AFG2A: variants seen among roughly 807,000 people sequenced by gnomAD.
The protein encoded by AFG2A is AAA ATPase AFG2A, also known as ATPase family gene 2 protein homolog A.
the AFG2A span, among the ~76,000 whole-genome samples, chr4:123,184,916 C>G: frequency 1.3e-5 from 2 of 152,234 alleles, no homozygotes; most frequent in Admixed American, 6.5e-5. Context: ...CTTTGGTTAG[C>G]GTGATAAATC....
the AFG2A span, among the ~76,000 whole-genome samples, chr4:123,163,256 A>T: frequency 1.3e-5 from 2 of 152,190 alleles, no homozygotes; most frequent in Non-Finnish European, 2.9e-5. Flanking sequence ...CAACATGGTG[A>T]AACCCCGTCT....
chr4:123,054,417 CTTT>C, the AFG2A span, among the ~76,000 whole-genome samples: 1 of 148,842 alleles, frequency 6.7e-6, no homozygotes, highest in African/African-American at 2.5e-5. Flanking sequence ...ATTGAGCATC[CTTT>C]TTTTTTTTTA....
chr4:122,935,820 T>G, the AFG2A span: 2 of 1,611,406 alleles, frequency 1.2e-6, no homozygotes, highest in Admixed American at 3.4e-5. Flanking sequence ...TTTCTGTAAT[T>G]AATGGTCCTG....
chr4:123,263,878 A>T, the AFG2A span, among the ~76,000 whole-genome samples: 1 of 152,180 alleles, frequency 6.6e-6, no homozygotes, highest in Admixed American at 6.5e-5. Context: ...CAGAGGAAAT[A>T]AGTCATTATA....
At chr4:123,140,652 C>T in the AFG2A span, among the ~76,000 whole-genome samples, 1 of 152,036 alleles carries the variant, frequency 6.6e-6, no homozygotes, top group Non-Finnish European at 1.5e-5. Context: ...TGCTTATTAT[C>T]ACATTGCTCT....
At chr4:122,996,275 C>T in the AFG2A span, among the ~76,000 whole-genome samples, 1 of 152,120 alleles carries the variant, frequency 6.6e-6, no homozygotes, top group African/African-American at 2.4e-5. Flanking sequence ...CACATGGACT[C>T]CAAATACACA....
chr4:123,244,906 G>T, the AFG2A span, among the ~76,000 whole-genome samples: 1 of 152,076 alleles, frequency 6.6e-6, no homozygotes, highest in East Asian at 1.9e-4. Flanking sequence ...ATATCTTATG[G>T]TTCAGCAGGG....
chr4:123,305,852 T>G, the AFG2A span, among the ~76,000 whole-genome samples: 1 of 152,156 alleles, frequency 6.6e-6, no homozygotes, highest in Non-Finnish European at 1.5e-5. Context: ...AGAGGTTTCA[T>G]TTTTTTCCAC....
At chr4:123,112,007 G>A in the AFG2A span, among the ~76,000 whole-genome samples, 1 of 152,154 alleles carries the variant, frequency 6.6e-6, no homozygotes, top group South Asian at 2.1e-4. Context: ...ACAGGTGTGA[G>A]CCACCGCACC....
the AFG2A span, among the ~76,000 whole-genome samples, chr4:123,022,977 T>G: frequency 6.8e-6 from 1 of 147,612 alleles, no homozygotes; most frequent in African/African-American, 2.5e-5. Context: ...TAGATGGGAA[T>G]TGAACAATGA....
At chr4:123,266,717 G>A in the AFG2A span, among the ~76,000 whole-genome samples, 167 of 151,860 alleles carry the variant, frequency 1.1e-3, no homozygotes, top group Middle Eastern at 0.01. Context: ...ACTTTCAAAT[G>A]TGTAAAGCTA....
At chr4:122,998,566 G>GT in the AFG2A span, among the ~76,000 whole-genome samples, 3 of 151,878 alleles carry the variant, frequency 2.0e-5, no homozygotes, top group Non-Finnish European at 2.9e-5. Context: ...GCGGTGTTTG[G>GT]TTTTTTCTCC....
chr4:123,034,871 A>G, the AFG2A span, among the ~76,000 whole-genome samples: 1 of 152,196 alleles, frequency 6.6e-6, no homozygotes, highest in African/African-American at 2.4e-5. Flanking sequence ...ATTGAAGTTT[A>G]AAAGGCTAAC....
At chr4:123,268,832 T>A in the AFG2A span, among the ~76,000 whole-genome samples, 1 of 152,298 alleles carries the variant, frequency 6.6e-6, no homozygotes, top group East Asian at 1.9e-4. Context: ...CACATGAGAA[T>A]AGTGAAGAGA....
chr4:123,264,344 C>T, the AFG2A span, among the ~76,000 whole-genome samples: 4 of 152,042 alleles, frequency 2.6e-5, no homozygotes, highest in Non-Finnish European at 5.9e-5. Flanking sequence ...CCATGTGTTC[C>T]CCAAAAACCT....
the AFG2A span, among the ~76,000 whole-genome samples, chr4:122,942,246 G>A: frequency 6.9e-6 from 1 of 145,556 alleles, no homozygotes; most frequent in African/African-American, 2.6e-5. Context: ...GAATTCGGCT[G>A]TGAATCCATG....
the AFG2A span, among the ~76,000 whole-genome samples, chr4:122,985,381 G>A: frequency 6.6e-6 from 1 of 151,960 alleles, no homozygotes; most frequent in Non-Finnish European, 1.5e-5. Context: ...CACCGGCCTC[G>A]GCCTCTGAAT....
At chr4:123,042,074 A>G in the AFG2A span, among the ~76,000 whole-genome samples, 43 of 152,286 alleles carry the variant, frequency 2.8e-4, no homozygotes, top group Admixed American at 2.2e-3. Context: ...CCTGATTCTC[A>G]TATCTTCTAA....
At chr4:123,220,714 C>G in the AFG2A span, among the ~76,000 whole-genome samples, 1 of 150,300 alleles carries the variant, frequency 6.7e-6, no homozygotes, top group South Asian at 2.1e-4. Flanking sequence ...ATTCTAGTTG[C>G]TAGTGATTTT....
Sources: gnomAD v4.1 joint callset for allele counts (sites outside exome capture counted in the v4.1 genomes callset) on GRCh38, gnomAD v4.1.1 for gene constraint, MANE v1.5 for transcripts, NCBI Gene and HGNC (gene_info 2026-07-23, HGNC 2026-07-21) for gene names.